Variants in CEP192 observed in about 807,000 individuals in gnomAD.
CEP192 encodes centrosomal protein of 192 kDa.
In CEP192, 151 loss-of-function variants were observed where a neutral mutation model predicts 271.8. The observed-to-expected ratio is 0.56, with a 90% CI of 0.49 to 0.64. CEP192 has a LOEUF of 0.64. Among genes scored for constraint, CEP192 ranks in the 30% least tolerant of loss-of-function variants. CEP192 has a pLI of 0.00. For missense variants in CEP192, 2,910 were observed against 3,020.5 expected, an observed-to-expected ratio of 0.96 and a Z score of 0.86; for synonymous variants, 995 against 1,076.5, an observed-to-expected ratio of 0.92 and a Z score of 1.48.
At chr18:13,000,943 ACT>A (rs1293311839) in intron 2 of CEP192, among the ~76,000 whole-genome samples, 3 of 151,932 alleles carry the variant, frequency 2.0e-5, no homozygotes, top group African/African-American at 7.3e-5. Flanking sequence ...ACAGAGGGAG[ACT>A]CTGTCTCAAG....
At chr18:13,053,943 C>T (rs1285634064) in intron 18 of CEP192, among the ~76,000 whole-genome samples, 3 of 152,114 alleles carry the variant, frequency 2.0e-5, no homozygotes, top group South Asian at 2.1e-4. Context: ...CCTTCTGCCT[C>T]GGCCTCTCAA....
At chr18:13,110,158 G>A (rs1257072455) in intron 40 of CEP192, among the ~76,000 whole-genome samples, 1 of 152,040 alleles carries the variant, frequency 6.6e-6, no homozygotes, top group East Asian at 1.9e-4. Context: ...TCTAAATTTC[G>A]TTAAATAAAA....
chr18:13,097,932 C>T (rs1350642070), intron 36 of CEP192, among the ~76,000 whole-genome samples: 1 of 152,156 alleles, frequency 6.6e-6, no homozygotes, highest in Non-Finnish European at 1.5e-5. Flanking sequence ...GTGGACACAG[C>T]ACATGTTTCA....
chr18:13,011,705 C>T (rs896173943), intron 4 of CEP192, among the ~76,000 whole-genome samples: 7 of 151,944 alleles, frequency 4.6e-5, no homozygotes, highest in South Asian at 4.1e-4. Context: ...TTAGTAGAGA[C>T]GGGCTACTAA....
At chr18:13,104,400 C>G (rs2039857150) in intron 39 of CEP192, among the ~76,000 whole-genome samples, 1 of 152,134 alleles carries the variant, frequency 6.6e-6, no homozygotes, top group African/African-American at 2.4e-5. Flanking sequence ...TGTGGTCTCT[C>G]TGCCATGTAT....
At chr18:13,000,389 T>C (rs935441947) in intron 2 of CEP192, 1 of 152,234 alleles carries the variant, frequency 6.6e-6, no homozygotes, top group African/African-American at 2.4e-5. Flanking sequence ...GAACTGTCTC[T>C]TGATATCTCA....
rs764757765 is a variant in CEP192 at position 13,087,210 on chromosome 18, T to C, written c.5810T>C (p.Val1937Ala). The change falls in exon 31 of 45, where the codon GTT (valine) becomes GCT (alanine). Residue 1937 changes from valine (V) to alanine (A), a missense_variant. By Grantham distance (64) the Val-to-Ala change is moderately conservative. Transcript: ENST00000506447. ...GGTTTTAAGGATTCTCAGAAAAAAG[T>C]TTTGCTGGATCCTAAAGTATTGAGG... ...AVGFKDSQKK[V>A]LLDPKVLRIF... 1 of 1,613,670 alleles carries C rather than the reference T, an allele frequency of 6.2e-7. No individual in the cohort carries two copies. The highest frequency in any genetic ancestry group is 8.5e-7 in the Non-Finnish European group (1 of 1,179,718).
intron 21 of CEP192, among the ~76,000 whole-genome samples, chr18:13,067,392 A>G (rs1238687208): frequency 1.3e-5 from 2 of 152,158 alleles, no homozygotes; most frequent in Non-Finnish European, 2.9e-5. Flanking sequence ...TGAGTCTGTC[A>G]TGATCATAGG....
intron 12 of CEP192, among the ~76,000 whole-genome samples, chr18:13,037,835 G>A (rs557137086): frequency 1.3e-5 from 2 of 151,978 alleles, no homozygotes; most frequent in Non-Finnish European, 2.9e-5. Context: ...GATTACAGGT[G>A]TGAGCCAGTG....
chr18:13,122,575 C>T (rs1053486439), intron 44 of CEP192, among the ~76,000 whole-genome samples: 13 of 94,032 alleles, frequency 1.4e-4, no homozygotes, highest in African/African-American at 1.1e-4. Flanking sequence ...AGCGAGAATC[C>T]GTCTGAAAAA....
At chr18:13,020,395 T>C (rs1287535797) in intron 9 of CEP192, among the ~76,000 whole-genome samples, 1 of 152,240 alleles carries the variant, frequency 6.6e-6, no homozygotes, top group African/African-American at 2.4e-5. Context: ...GTTCATGTCG[T>C]AGCATATATC....
chr18:13,103,463 C>A, intron 38 of CEP192, 46 bp from the exon 39 acceptor site: 1 of 1,478,778 alleles, frequency 6.8e-7, no homozygotes, highest in Non-Finnish European at 9.5e-7. Context: ...TCTGCTTGTT[C>A]TCCAGTCTCT....
chr18:13,072,610 T>C, intron 28 of CEP192, 145 bp from the exon 29 acceptor site: 1 of 650,530 alleles, frequency 1.5e-6, no homozygotes, highest in Non-Finnish European at 2.8e-6. Context: ...CCTAGGACTG[T>C]GGGGAGACAA....
rs766340859 is a variant in CEP192, at chr18:13,048,964, G to T, written c.2173G>T (p.Ala725Ser). ...CACCATTGCTTCAGCCATTGCAGAG[G>T]CATCAGTTAATACTGATCCTTCCCA... ...ISTIASAIAE[A>S]SVNTDPSQLA... is the part of the protein sequence containing the mutation. The change falls in exon 16 of 45, where the codon GCA becomes TCA. Residue 725 changes from alanine to serine, a missense_variant. Transcript: ENST00000506447. The T allele has an allele frequency of 1.9e-6, 3 of 1,613,756 alleles. No homozygotes were observed. Among genetic ancestry groups the T allele is most frequent in the Non-Finnish European group, 2.5e-6 (3 of 1,179,830 alleles).
intron 13 of CEP192, among the ~76,000 whole-genome samples, chr18:13,039,594 G>A (rs1357790200): frequency 1.3e-5 from 2 of 152,214 alleles, no homozygotes; most frequent in Non-Finnish European, 2.9e-5. Context: ...AAGCAGGCAG[G>A]CAGAGCTGCT....
intron 11 of CEP192, among the ~76,000 whole-genome samples, chr18:13,034,993 T>C (rs1315919863): frequency 2.0e-5 from 3 of 152,110 alleles, no homozygotes; most frequent in Admixed American, 6.6e-5. Flanking sequence ...TCGGAAGCAT[T>C]CAGTACAAGA....
intron 40 of CEP192, among the ~76,000 whole-genome samples, chr18:13,109,304 A>G (rs1235322445): frequency 6.6e-6 from 1 of 152,176 alleles, no homozygotes; most frequent in Non-Finnish European, 1.5e-5. Flanking sequence ...TAGAAAACCA[A>G]ATACCACATT....
At chr18:13,092,125 G>A (rs2039174096) in intron 33 of CEP192, among the ~76,000 whole-genome samples, 1 of 152,182 alleles carries the variant, frequency 6.6e-6, no homozygotes, top group Non-Finnish European at 1.5e-5. Flanking sequence ...GGGAGGTTAA[G>A]TAACTTGCCA....
intron 6 of CEP192, among the ~76,000 whole-genome samples, 159 bp downstream of exon 6, chr18:13,015,607 A>G (rs2143036938): frequency 6.6e-6 from 1 of 152,222 alleles, no homozygotes; most frequent in Admixed American, 6.5e-5. Context: ...TAAGTGATGG[A>G]ATTGAAGAAT....
Sources: allele counts gnomAD v4.1 joint callset (sites outside exome capture counted in the v4.1 genomes callset), GRCh38; gene constraint gnomAD v4.1.1; transcripts MANE v1.5; gene names NCBI Gene and HGNC (gene_info 2026-07-23, HGNC 2026-07-21).